Variants in EPB41L2 observed in about 807,000 individuals in gnomAD.
The protein encoded by EPB41L2 is band 4.1-like protein 2.
EPB41L2 carries 43 observed loss-of-function variants against 113.0 expected under a neutral mutation model. The ratio of observed to expected loss-of-function variants is 0.38; its 90% CI spans 0.30 to 0.49. EPB41L2 has a LOEUF of 0.49. EPB41L2 is among the 20% of genes least tolerant of loss of function. The pLI is 0.95. For missense variants in EPB41L2, 1,147 were observed against 1,223.4 expected (o/e 0.94, Z 0.93); for synonymous variants, 442 against 436.7 (o/e 1.01, Z -0.15).
chr6:131,038,843 A>C (rs1265800541), intron 1 of EPB41L2, among the ~76,000 whole-genome samples: 4 of 152,226 alleles, frequency 2.6e-5, no homozygotes, highest in African/African-American at 4.8e-5. Flanking sequence ...GAGTCATGAT[A>C]GTGACTACTG....
intron 19 of EPB41L2, among the ~76,000 whole-genome samples, chr6:130,842,294 G>C (rs540958400): frequency 1.4e-5 from 1 of 72,862 alleles, no homozygotes; most frequent in Admixed American, 1.3e-4. Context: ...TCTAGGCTGG[G>C]GGAAAAAAAA....
At chr6:130,991,459 T>A (rs1781844881) in intron 1 of EPB41L2, among the ~76,000 whole-genome samples, 1 of 152,218 alleles carries the variant, frequency 6.6e-6, no homozygotes, top group South Asian at 2.1e-4. Context: ...AATTCATGTT[T>A]GATACAGTAG....
intron 1 of EPB41L2, among the ~76,000 whole-genome samples, chr6:131,020,734 A>G (rs540786219): frequency 2.8e-4 from 43 of 152,342 alleles, no homozygotes; most frequent in African/African-American, 9.9e-4. Context: ...GGGGTTTCCC[A>G]TGAGTCTTCG....
chr6:130,936,333 G>A (rs1243411515), intron 3 of EPB41L2, among the ~76,000 whole-genome samples: 1 of 152,136 alleles, frequency 6.6e-6, no homozygotes, highest in Non-Finnish European at 1.5e-5. Context: ...CTACATTTTT[G>A]TAACACAACT....
chr6:130,894,222 G>T, intron 10 of EPB41L2, 122 bp downstream of exon 10: 1 of 716,230 alleles, frequency 1.4e-6, no homozygotes, highest in Non-Finnish European at 2.5e-6. Flanking sequence ...GTCTCAGTAT[G>T]TTCCCCAGGC....
At chr6:130,971,398 C>T (rs746617042) in intron 1 of EPB41L2, among the ~76,000 whole-genome samples, 9 of 152,178 alleles carry the variant, frequency 5.9e-5, no homozygotes, top group Non-Finnish European at 1.3e-4. Context: ...TTTCACTTAA[C>T]GGAAGCACCT....
chr6:131,003,226 T>A (rs999126847), intron 1 of EPB41L2, among the ~76,000 whole-genome samples: 2 of 152,174 alleles, frequency 1.3e-5, no homozygotes, highest in Admixed American at 6.5e-5. Flanking sequence ...CCTCACTTTG[T>A]GAAATGTACA....
At chr6:130,964,275 G>A (rs1774410943) in intron 1 of EPB41L2, among the ~76,000 whole-genome samples, 1 of 152,156 alleles carries the variant, frequency 6.6e-6, no homozygotes. Context: ...ACCCGCCTCA[G>A]TCTCCCAAAA....
At chr6:130,872,936 C>G (rs1786233793) in intron 14 of EPB41L2, among the ~76,000 whole-genome samples, 1 of 152,166 alleles carries the variant, frequency 6.6e-6, no homozygotes, top group South Asian at 2.1e-4. Flanking sequence ...GCAGTCCTCC[C>G]TCTCCTGCCT....
chr6:131,040,754 A>G (rs1441177971), intron 1 of EPB41L2, among the ~76,000 whole-genome samples: 1 of 152,246 alleles, frequency 6.6e-6, no homozygotes, highest in African/African-American at 2.4e-5. Context: ...GGTGCCTGAT[A>G]TGAAGCAATG....
chr6:130,936,623 G>A (rs1298678702), intron 3 of EPB41L2, among the ~76,000 whole-genome samples: 2 of 152,024 alleles, frequency 1.3e-5, no homozygotes, highest in Admixed American at 6.6e-5. Flanking sequence ...TTTATCCAAG[G>A]CATACGACTT....
At chr6:130,950,459 C>CA (rs771289625) in intron 3 of EPB41L2, among the ~76,000 whole-genome samples, 2 of 151,652 alleles carry the variant, frequency 1.3e-5, no homozygotes, top group African/African-American at 4.8e-5. Flanking sequence ...CAATCTCTAC[C>CA]AAAAATATTA....
chr6:130,861,394 C>A (rs1298216949), intron 18 of EPB41L2, among the ~76,000 whole-genome samples: 2 of 152,112 alleles, frequency 1.3e-5, no homozygotes, highest in Admixed American at 1.3e-4. Context: ...TTAACGTAGG[C>A]AAGGAACTGA....
At chr6:130,947,116 A>C (rs1260602158) in intron 3 of EPB41L2, among the ~76,000 whole-genome samples, 1 of 150,084 alleles carries the variant, frequency 6.7e-6, no homozygotes, top group Non-Finnish European at 1.5e-5. Context: ...CTGTATACCA[A>C]TGACTTTACA....
In EPB41L2 at chr6:130,885,097, T is replaced by G; in HGVS notation, c.1832A>C (p.Lys611Thr). The change falls in exon 12 of 20, where the codon AAG becomes ACG. Residue 611 changes from lysine to threonine, a missense_variant and splice_region_variant. By Grantham distance (78) the Lys-to-Thr change is moderately conservative. Coordinates refer to ENST00000337057, the MANE Select transcript of EPB41L2 (RefSeq NM_001431.4). ...ACATACTGTGCTAATTTACCATACCTTTCCTTCAATGAGCTGCAAATGTGG... is the reference window on the plus strand; with the variant it reads ...ACATACTGTGCTAATTTACCATACCGTTCCTTCAATGAGCTGCAAATGTGG... ...KAPHLQLIEG[K>T]KNSLRVEGDN... The G allele has an allele frequency of 6.2e-7, 1 of 1,614,116 alleles. No homozygotes were observed.
Position 130,956,424 on chromosome 6 carries a change from T to A in EPB41L2, c.62A>T (p.Asp21Val), listed in dbSNP as rs147601730. The A allele has an allele frequency of 3.1e-6, 5 of 1,614,044 alleles. No homozygotes were observed. Among genetic ancestry groups the A allele is most frequent in the Middle Eastern group, 3.3e-4 (2 of 6,084 alleles). Residue 21 changes from aspartate (D) to valine (V), a missense_variant, in exon 2 of 20, where the codon GAT (aspartate) becomes GTT (valine). Asp to Val is a radical substitution (Grantham distance 152). Transcript: ENST00000337057. ...VKKDSSQLGT[D>V]ATKEKPKEVA... The stretch of plus-strand genomic sequence containing the variant: ...TTCTTTAGGTTTTTCCTTGGTTGCA[T>A]CTGTTCCTAACTGGCTAGAGTCCTT...
chr6:130,852,841 T>C (rs1779158597), intron 19 of EPB41L2, among the ~76,000 whole-genome samples: 2 of 152,172 alleles, frequency 1.3e-5, no homozygotes, highest in African/African-American at 4.8e-5. Flanking sequence ...CATCTGATTT[T>C]GCACTGTTCT....
chr6:130,916,188 G>T (rs1014045174), intron 4 of EPB41L2, among the ~76,000 whole-genome samples: 2 of 152,080 alleles, frequency 1.3e-5, no homozygotes, highest in African/African-American at 2.4e-5. Context: ...GCCTTAAAAG[G>T]TTACAGAATT....
chr6:130,966,674 T>C (rs1775288586), intron 1 of EPB41L2, among the ~76,000 whole-genome samples: 1 of 152,066 alleles, frequency 6.6e-6, no homozygotes, highest in South Asian at 2.1e-4. Flanking sequence ...GAACAGAAGT[T>C]TTCATAAACT....
Sources: gnomAD v4.1 joint callset for allele counts (sites outside exome capture counted in the v4.1 genomes callset) on GRCh38, gnomAD v4.1.1 for gene constraint, MANE v1.5 for transcripts, NCBI Gene and HGNC (gene_info 2026-07-23, HGNC 2026-07-21) for gene names.